FAM135A: variants seen among roughly 807,000 people sequenced by gnomAD.
FAM135A encodes the protein family with sequence similarity 135 member A.
FAM135A carries 79 observed loss-of-function variants against 146.8 expected under a neutral mutation model. That is an observed-to-expected ratio of 0.54 (90% CI 0.45 to 0.65). The LOEUF (loss-of-function observed/expected upper bound fraction) is 0.65, where lower values mean the gene tolerates loss of function less well. Among genes scored for constraint, FAM135A ranks in the 30% least tolerant of loss-of-function variants. FAM135A has a pLI of 0.00. For missense variants in FAM135A, 1,623 were observed against 1,758.2 expected (o/e 0.92, Z 1.38); for synonymous variants, 562 against 603.6 (o/e 0.93, Z 1.01).
intron 20 of FAM135A, 179 bp from the exon 21 acceptor site, chr6:70,556,571 A>G (rs541569232): frequency 4.9e-5 from 25 of 513,646 alleles, no homozygotes; most frequent in East Asian, 4.5e-4. Context: ...CATAACAGTG[A>G]GGTGGGTTTT....
At chr6:70,441,364 G>A (rs1774432824) in intron 4 of FAM135A, among the ~76,000 whole-genome samples, 1 of 152,000 alleles carries the variant, frequency 6.6e-6, no homozygotes, top group African/African-American at 2.4e-5. Context: ...CTCCAGTCTG[G>A]GCAACAGAGT....
intron 20 of FAM135A, among the ~76,000 whole-genome samples, chr6:70,550,936 A>G (rs1015837491): frequency 3.9e-5 from 6 of 152,136 alleles, no homozygotes; most frequent in Non-Finnish European, 8.8e-5. Flanking sequence ...TTCCACTTTT[A>G]TGTTATGGAG....
chr6:70,525,873 C>G lies in FAM135A; in HGVS notation c.2789C>G (p.Thr930Ser). The change falls in exon 15 of 22, where the codon ACT (threonine) becomes AGT (serine). Residue 930 changes from threonine to serine, a missense_variant. Coordinates refer to ENST00000418814, the MANE Select transcript of FAM135A (RefSeq NM_001162529.3). ...PLQFVFSDEE[T>S]SSDVKSSCSS... ...CAATTTGTTTTTTCAGATGAAGAGA[C>G]TTCCAGTGATGTGAAAAGTAGTTGC... 6.2e-7 allele frequency: 1 copy of G among 1,612,502 alleles called. No individual in the cohort carries two copies. The highest frequency in any genetic ancestry group is 1.3e-5 in the African/African-American group (1 of 74,930).
chr6:70,417,180 A>G (rs1461105039), intron 2 of FAM135A, among the ~76,000 whole-genome samples: 1 of 152,022 alleles, frequency 6.6e-6, no homozygotes, highest in African/African-American at 2.4e-5. Flanking sequence ...CTTTTATGGC[A>G]TTAGGTCTCT....
Position 70,428,330 on chromosome 6 carries a change from G to T in FAM135A, c.-13G>T. ...TGCTGTTATCAGAATAGTCTTCTGG[G>T]TATAAATTAAAAATGACTGAAGTTC... is the stretch of plus-strand genomic sequence containing the variant. On this transcript the variant is annotated 5_prime_UTR_variant, in exon 4 of 22. Transcript: ENST00000418814. 3 of 1,584,838 alleles carry T rather than the reference G, an allele frequency of 1.9e-6. No individual in the cohort carries two copies. The highest frequency in any genetic ancestry group is 2.6e-6 in the Non-Finnish European group (3 of 1,164,488).
intron 20 of FAM135A, among the ~76,000 whole-genome samples, chr6:70,545,542 G>A (rs1343046448): frequency 6.6e-6 from 1 of 152,106 alleles, no homozygotes; most frequent in Non-Finnish European, 1.5e-5. Flanking sequence ...TTGAACCCAG[G>A]AGTTGGAGGC....
At chr6:70,529,443 A>G (rs1253393114) in intron 16 of FAM135A, among the ~76,000 whole-genome samples, 1 of 151,240 alleles carries the variant, frequency 6.6e-6, no homozygotes, top group East Asian at 1.9e-4. Context: ...TTCTTTAAAA[A>G]AAAAAAAAAA....
At position 70,559,962 on chromosome 6, in the gene FAM135A, A is replaced by T; in HGVS notation, c.*41A>T. 6.9e-7 allele frequency: 1 copy of T among 1,452,084 alleles called. No homozygotes were observed. Among genetic ancestry groups the T allele is most frequent in the Non-Finnish European group, 9.5e-7 (1 of 1,048,704 alleles). The allele number at this position is 1,452,084 out of a possible 1,614,324, so 89.9% of individuals were successfully genotyped here. On this transcript the variant is annotated 3_prime_UTR_variant, in exon 22 of 22. Transcript: ENST00000418814. ...AGCGACTGGACAATTACCTCATTCA[A>T]CAATGTTTCAAATAATGTATTATAT...
At position 70,526,110 on chromosome 6, in the gene FAM135A, A is replaced by T; in HGVS notation, c.3026A>T (p.Tyr1009Phe). The change falls in exon 15 of 22, where the codon TAT becomes TTT. Residue 1009 changes from tyrosine (Y) to phenylalanine (F), a missense_variant. Tyr to Phe is a conservative substitution (Grantham distance 22, BLOSUM62 3). Coordinates refer to ENST00000418814, the MANE Select transcript of FAM135A (RefSeq NM_001162529.3). ...GATGTATTAAATCTCACACAGATGT[A>T]TTCAGAAATCCCTACAGTTGAAAGT... is the stretch of plus-strand genomic sequence containing the variant. ...NSDVLNLTQM[Y>F]SEIPTVESET... is the part of the protein sequence containing the mutation. 1 of 1,613,556 alleles carries T rather than the reference A, an allele frequency of 6.2e-7. No individual in the cohort carries two copies.
At chr6:70,492,406 C>A (rs1408542023) in intron 11 of FAM135A, among the ~76,000 whole-genome samples, 2 of 151,664 alleles carry the variant, frequency 1.3e-5, no homozygotes, top group African/African-American at 2.4e-5. Context: ...TATAAACAAT[C>A]TGATCTTGGG....
rs1269440029 is a variant in FAM135A at position 70,556,809 on chromosome 6, T to C, written c.4288T>C (p.Tyr1430His). 1.9e-6 allele frequency: 3 copies of C among 1,614,050 alleles called. No homozygotes were observed. Among genetic ancestry groups the C allele is most frequent in the Non-Finnish European group, 2.5e-6 (3 of 1,180,020 alleles). Residue 1430 changes from tyrosine to histidine, a missense_variant, in exon 21 of 22, where the codon TAT becomes CAT. Physicochemically the swap from Tyr to His is moderately conservative, Grantham distance 83. Transcript: ENST00000418814. ...VGSLQDRYVP[Y>H]HSARIEMCKT... is the part of the protein sequence containing the mutation. ...ATCCCTACAGGATCGCTATGTTCCT[T>C]ATCACTCTGCCCGCATTGAAATGTG...
chr6:70,507,867 C>CA (rs902693378), intron 12 of FAM135A, among the ~76,000 whole-genome samples: 54 of 149,902 alleles, frequency 3.6e-4, no homozygotes, highest in South Asian at 1.7e-3. Context: ...ACACAAAAAG[C>CA]AAAAAAAAAT....
intron 5 of FAM135A, among the ~76,000 whole-genome samples, chr6:70,461,163 T>A (rs79396982): frequency 0.043 from 6,501 of 152,180 alleles, 298 homozygotes; most frequent in African/African-American, 0.1. Flanking sequence ...AAACTGTTAA[T>A]TCAGAGATGC....
At chr6:70,478,822 GAA>G (rs1007854321) in intron 8 of FAM135A, among the ~76,000 whole-genome samples, 3 of 152,086 alleles carry the variant, frequency 2.0e-5, no homozygotes, top group Admixed American at 2.0e-4. Flanking sequence ...TTATAAGCAG[GAA>G]GGTGTTTTTT....
At chr6:70,470,590 C>T (rs1269208266) in intron 5 of FAM135A, among the ~76,000 whole-genome samples, 1 of 152,224 alleles carries the variant, frequency 6.6e-6, no homozygotes, top group Non-Finnish European at 1.5e-5. Context: ...CTCCTGACCT[C>T]AAGTGATCTG....
At chr6:70,553,241 A>G (rs1276745465) in intron 20 of FAM135A, among the ~76,000 whole-genome samples, 2 of 152,158 alleles carry the variant, frequency 1.3e-5, no homozygotes, top group East Asian at 1.9e-4. Flanking sequence ...GGACCCACCT[A>G]TAACTGCACA....
intron 20 of FAM135A, among the ~76,000 whole-genome samples, chr6:70,541,394 T>C (rs1041444468): frequency 1.3e-5 from 2 of 152,204 alleles, no homozygotes; most frequent in Admixed American, 1.3e-4. Context: ...CTCTTTGCTT[T>C]TATTTGAATA....
chr6:70,530,606 G>T (rs77855543), intron 16 of FAM135A, among the ~76,000 whole-genome samples: 2,285 of 152,046 alleles, frequency 0.015, 52 homozygotes, highest in African/African-American at 0.052. Flanking sequence ...AAATAAATTT[G>T]CCAGGCATGG....
At chr6:70,450,528 T>A (rs747123247) in intron 4 of FAM135A, among the ~76,000 whole-genome samples, 2 of 152,038 alleles carry the variant, frequency 1.3e-5, no homozygotes, top group African/African-American at 4.8e-5. Flanking sequence ...GAAACTGTCC[T>A]TTCTTCATTG....
Sources: allele counts gnomAD v4.1 joint callset (sites outside exome capture counted in the v4.1 genomes callset), GRCh38; gene constraint gnomAD v4.1.1; transcripts MANE v1.5; gene names NCBI Gene and HGNC (gene_info 2026-07-23, HGNC 2026-07-21).